MTBP: variants seen among roughly 807,000 people sequenced by gnomAD.
MTBP encodes the protein MDM2 binding protein, also known as mdm2-binding protein.
MTBP carries 101 observed loss-of-function variants against 117.0 expected under a neutral mutation model. The ratio of observed to expected loss-of-function variants is 0.86; its 90% CI spans 0.73 to 1.02. The LOEUF (loss-of-function observed/expected upper bound fraction) is 1.02. Ranked by LOEUF, MTBP falls within the 50% of genes least tolerant of loss-of-function variation. The pLI is 0.00. For synonymous variants in MTBP, 350 were observed against 351.5 expected, an observed-to-expected ratio of 1.00 and a Z score of 0.05; for missense variants, 970 against 1,030.9, an observed-to-expected ratio of 0.94 and a Z score of 0.81.
intron 10 of MTBP, among the ~76,000 whole-genome samples, chr8:120,464,347 T>G (rs1813642304): frequency 6.6e-6 from 1 of 152,038 alleles, no homozygotes; most frequent in Non-Finnish European, 1.5e-5. Flanking sequence ...TGAAATCAAA[T>G]TCAGTTTCTA....
In MTBP at chr8:120,453,857, G is replaced by A. The variant is rs758912045; in HGVS notation, c.436G>A (p.Glu146Lys). Residue 146 changes from glutamate to lysine, a missense_variant, in exon 5 of 22, where the codon GAA becomes AAA. Transcript: ENST00000305949. ...ACCCTTTTATTTTAGTCTCTATGAA[G>A]AAGCTGCAGAAAATTTGCATCAGCT... Reference protein sequence around the residue: ...ESLSLADLYEEAAENLHQLSD... With the variant: ...ESLSLADLYEKAAENLHQLSD... 1.3e-6 allele frequency: 2 copies of A among 1,577,300 alleles called. No homozygotes were observed. Among genetic ancestry groups the A allele is most frequent in the Non-Finnish European group, 1.7e-6 (2 of 1,156,102 alleles).
Position 120,502,597 on chromosome 8 carries a change from A to G in MTBP, c.1715A>G (p.Lys572Arg). Residue 572 changes from lysine to arginine, a missense_variant, in exon 15 of 22, where the codon AAA (lysine) becomes AGA (arginine). Transcript: ENST00000305949. The stretch of plus-strand genomic sequence containing the variant: ...AATTTGGAAACTTTTGAAAAAACTA[A>G]ACAAAAAATGAGGTAATATTTGAAT... Reference protein sequence around the residue: ...LQNLETFEKTKQKMRTGSLPH... With the variant: ...LQNLETFEKTRQKMRTGSLPH... The G allele has an allele frequency of 6.3e-7, 1 of 1,591,618 alleles. No individual in the cohort carries two copies. Among genetic ancestry groups the G allele is most frequent in the South Asian group, 1.1e-5 (1 of 87,070 alleles).
intron 11 of MTBP, among the ~76,000 whole-genome samples, chr8:120,482,535 GTA>G (rs1260578898): frequency 1.3e-5 from 2 of 151,970 alleles, no homozygotes; most frequent in African/African-American, 2.4e-5. Flanking sequence ...TTCAAATTGT[GTA>G]TTTTATTATA....
intron 10 of MTBP, among the ~76,000 whole-genome samples, chr8:120,464,330 A>G (rs1331302778): frequency 6.6e-6 from 1 of 152,020 alleles, no homozygotes; most frequent in Non-Finnish European, 1.5e-5. Flanking sequence ...AAGTGGACTC[A>G]TCTATTTGAA....
At chr8:120,464,478 G>A (rs984283589) in intron 10 of MTBP, among the ~76,000 whole-genome samples, 3 of 150,882 alleles carry the variant, frequency 2.0e-5, no homozygotes, top group African/African-American at 7.4e-5. Flanking sequence ...TTTTCTTATT[G>A]TTTTAATAAC....
chr8:120,473,987 C>T (rs2130553596), intron 11 of MTBP: 2 of 152,146 alleles, frequency 1.3e-5, no homozygotes, highest in East Asian at 3.9e-4. Flanking sequence ...CTTTCTCCAA[C>T]TTCAAACTAC....
intron 15 of MTBP, among the ~76,000 whole-genome samples, chr8:120,503,637 A>T (rs1311723851): frequency 6.6e-6 from 1 of 152,140 alleles, no homozygotes; most frequent in East Asian, 1.9e-4. Context: ...ATTTCATATG[A>T]AAGAGTGATG....
intron 11 of MTBP, among the ~76,000 whole-genome samples, chr8:120,478,671 T>C (rs1814001616): frequency 6.6e-6 from 1 of 152,232 alleles, no homozygotes; most frequent in Non-Finnish European, 1.5e-5. Context: ...AGGGACTAGA[T>C]AATGACTGAT....
chr8:120,451,663 G>A (rs1655444822), intron 4 of MTBP: 1 of 198,118 alleles, frequency 5.0e-6, no homozygotes, highest in Non-Finnish European at 1.0e-5. Context: ...GCTTGCTACA[G>A]CCTAGACCTG....
At chr8:120,500,990 G>C (rs1400543941) in intron 14 of MTBP, among the ~76,000 whole-genome samples, 2 of 152,108 alleles carry the variant, frequency 1.3e-5, no homozygotes, top group Non-Finnish European at 2.9e-5. Context: ...AGGAGATCGA[G>C]ACCATCCTGG....
At chr8:120,457,925 G>T (rs558021435) in intron 7 of MTBP, among the ~76,000 whole-genome samples, 1 of 142,496 alleles carries the variant, frequency 7.0e-6, no homozygotes, top group South Asian at 2.2e-4. Context: ...CAGCCTGCGT[G>T]ACAGAGTGAG....
intron 13 of MTBP, among the ~76,000 whole-genome samples, chr8:120,492,643 C>T (rs1051110976): frequency 1.3e-5 from 2 of 151,982 alleles, no homozygotes; most frequent in African/African-American, 4.8e-5. Context: ...TTCTCTAATA[C>T]TAAATTAGAA....
At chr8:120,517,727 G>C in intron 18 of MTBP, 124 bp from the exon 19 acceptor site, 1 of 910,394 alleles carries the variant, frequency 1.1e-6, no homozygotes, top group Non-Finnish European at 1.6e-6. Context: ...ACACTGGTAA[G>C]ACAGAAAATG....
At chr8:120,519,645 A>G (rs192472969) in intron 20 of MTBP, among the ~76,000 whole-genome samples, 100 of 152,266 alleles carry the variant, frequency 6.6e-4, no homozygotes, top group African/African-American at 2.3e-3. Context: ...AACAATAACA[A>G]AAAAGCACAT....
chr8:120,455,602 G>C, intron 6 of MTBP, 23 bp downstream of exon 6: 1 of 1,597,812 alleles, frequency 6.3e-7, no homozygotes, highest in Non-Finnish European at 8.5e-7. Flanking sequence ...GTTCATATTT[G>C]ATTATTGTCT....
At chr8:120,487,829 G>C (rs896021481) in intron 11 of MTBP, among the ~76,000 whole-genome samples, 1 of 152,210 alleles carries the variant, frequency 6.6e-6, no homozygotes, top group Non-Finnish European at 1.5e-5. Context: ...GTAGGAATCA[G>C]TTTATTCCTC....
chr8:120,451,283 A>G lies in MTBP; in HGVS notation c.386A>G (p.Glu129Gly), dbSNP rs1421579828. 6.2e-7 allele frequency: 1 copy of G among 1,613,364 alleles called. No individual in the cohort carries two copies. The highest frequency in any genetic ancestry group is 2.2e-5 in the East Asian group (1 of 44,742). Residue 129 changes from glutamate to glycine, a missense_variant, in exon 4 of 22, where the codon GAA becomes GGA. Transcript: ENST00000305949. ...TTGGGTGCTGTTGAGTGTTTTGAAG[A>G]AGAAGACAGTAATAGCAGGGAATCA... ...ECLGAVECFEEEDSNSRESLS... is the reference protein window; with the variant it reads ...ECLGAVECFEGEDSNSRESLS...
intron 13 of MTBP, among the ~76,000 whole-genome samples, chr8:120,492,245 CAG>C (rs1283666162): frequency 6.6e-6 from 1 of 152,142 alleles, no homozygotes; most frequent in Non-Finnish European, 1.5e-5. Flanking sequence ...CTTCTCTACC[CAG>C]AGAGTTAATA....
intron 13 of MTBP, among the ~76,000 whole-genome samples, chr8:120,491,942 A>G (rs1814355314): frequency 2.0e-5 from 3 of 152,204 alleles, no homozygotes; most frequent in African/African-American, 7.2e-5. Context: ...GTTGCTGCCT[A>G]GAGGTGTGAG....
Sources: allele counts gnomAD v4.1 joint callset (sites outside exome capture counted in the v4.1 genomes callset), GRCh38; gene constraint gnomAD v4.1.1; transcripts MANE v1.5; gene names NCBI Gene and HGNC (gene_info 2026-07-23, HGNC 2026-07-21).